CDH13: variants seen among roughly 807,000 people sequenced by gnomAD.
The protein encoded by CDH13 is cadherin-13.
A neutral mutation model predicts 63.8 loss-of-function variants in CDH13; 24 were observed. That is an observed-to-expected ratio of 0.38 (90% CI 0.27 to 0.53). CDH13 has a LOEUF of 0.53. CDH13 is among the 20% of genes least tolerant of loss of function. The pLI, the probability that CDH13 is intolerant of heterozygous loss-of-function variation, is 0.85. For missense variants in CDH13, 1,049 were observed against 903.1 expected (o/e 1.16, Z -2.07); for synonymous variants, 503 against 355.3 (o/e 1.42, Z -4.67).
At chr16:83,158,501 G>A (rs74031409) in intron 4 of CDH13, among the ~76,000 whole-genome samples, 1 of 152,204 alleles carries the variant, frequency 6.6e-6, no homozygotes, top group African/African-American at 2.4e-5. Flanking sequence ...TCCCTGTCCA[G>A]CAGGTCACAG....
chr16:83,042,066 A>G (rs1205758211), intron 3 of CDH13, among the ~76,000 whole-genome samples: 1 of 152,160 alleles, frequency 6.6e-6, no homozygotes, highest in Non-Finnish European at 1.5e-5. Flanking sequence ...AACTGTTTGA[A>G]TCCTCTGTTT....
chr16:82,759,044 G>C (rs1204577359), intron 1 of CDH13, among the ~76,000 whole-genome samples: 1 of 152,108 alleles, frequency 6.6e-6, no homozygotes. Context: ...AGCATTGGGG[G>C]CTTATTAAGC....
At chr16:82,801,205 C>G (rs982775007) in intron 1 of CDH13, among the ~76,000 whole-genome samples, 2 of 152,208 alleles carry the variant, frequency 1.3e-5, no homozygotes, top group African/African-American at 4.8e-5. Flanking sequence ...AGGATGGCCA[C>G]CAACACCTAT....
chr16:83,755,124 G>C (rs955656554), intron 11 of CDH13, among the ~76,000 whole-genome samples: 3 of 152,062 alleles, frequency 2.0e-5, no homozygotes, highest in African/African-American at 7.2e-5. Context: ...CAAGCAGAGA[G>C]AATTACACAA....
At chr16:83,363,945 G>C (rs1438971129) in intron 6 of CDH13, among the ~76,000 whole-genome samples, 1 of 152,140 alleles carries the variant, frequency 6.6e-6, no homozygotes, top group East Asian at 1.9e-4. Flanking sequence ...GGACAGAGGG[G>C]AGTTTGTGAG....
At chr16:82,945,895 T>C (rs1904660663) in intron 2 of CDH13, among the ~76,000 whole-genome samples, 1 of 152,194 alleles carries the variant, frequency 6.6e-6, no homozygotes, top group East Asian at 1.9e-4. Flanking sequence ...AGGGACACTC[T>C]CAGTTCCTTT....
At chr16:83,739,418 C>T (rs1006576969) in intron 10 of CDH13, among the ~76,000 whole-genome samples, 3 of 152,178 alleles carry the variant, frequency 2.0e-5, no homozygotes, top group Non-Finnish European at 4.4e-5. Flanking sequence ...GGATGTTGCC[C>T]CATGTGCCTT....
intron 5 of CDH13, among the ~76,000 whole-genome samples, chr16:83,301,034 T>TTTTTG (rs2089726225): frequency 7.6e-6 from 1 of 131,476 alleles, no homozygotes; most frequent in African/African-American, 2.9e-5. Flanking sequence ...GGTTTTTTTT[T>TTTTTG]TTTTTTTTTT....
chr16:82,910,014 C>T (rs897948120), intron 2 of CDH13, among the ~76,000 whole-genome samples: 1 of 152,158 alleles, frequency 6.6e-6, no homozygotes, highest in Non-Finnish European at 1.5e-5. Context: ...GATCTGACCA[C>T]TGAAATGTAC....
At chr16:82,773,641 T>G (rs2035360369) in intron 1 of CDH13, among the ~76,000 whole-genome samples, 1 of 152,252 alleles carries the variant, frequency 6.6e-6, no homozygotes, top group South Asian at 2.1e-4. Context: ...CCTCTATGTA[T>G]GTACATTTGT....
chr16:82,896,439 G>C (rs567030038), intron 2 of CDH13, among the ~76,000 whole-genome samples: 1 of 151,674 alleles, frequency 6.6e-6, no homozygotes, highest in Non-Finnish European at 1.5e-5. Flanking sequence ...GACTACAGGG[G>C]TTCCCCACTA....
intron 2 of CDH13, among the ~76,000 whole-genome samples, chr16:82,903,920 C>G (rs1376712312): frequency 1.3e-5 from 2 of 152,168 alleles, no homozygotes. Context: ...TCTGTCTGCT[C>G]TAAAGCCCAG....
chr16:83,685,348 A>G (rs763062940), intron 10 of CDH13, among the ~76,000 whole-genome samples: 22 of 152,198 alleles, frequency 1.4e-4, no homozygotes, highest in Admixed American at 2.0e-4. Context: ...TTTCTGCTTA[A>G]TAAATAACTA....
At chr16:83,677,061 G>C (rs1358623806) in intron 9 of CDH13, among the ~76,000 whole-genome samples, 1 of 152,188 alleles carries the variant, frequency 6.6e-6, no homozygotes, top group Admixed American at 6.5e-5. Flanking sequence ...TGATGGGTTA[G>C]CTGTTTGTTC....
At chr16:82,992,479 C>A (rs1008571379) in intron 2 of CDH13, among the ~76,000 whole-genome samples, 1 of 152,076 alleles carries the variant, frequency 6.6e-6, no homozygotes, top group African/African-American at 2.4e-5. Flanking sequence ...GGTTTACAAC[C>A]AGTCAAGGGG....
At chr16:83,490,416 C>T (rs1317786027) in intron 7 of CDH13, among the ~76,000 whole-genome samples, 13 of 152,128 alleles carry the variant, frequency 8.5e-5, no homozygotes, top group Admixed American at 8.5e-4. Flanking sequence ...AGAAATGATC[C>T]TTACTATGTT....
intron 6 of CDH13, among the ~76,000 whole-genome samples, chr16:83,431,133 C>A (rs1435401076): frequency 6.6e-6 from 1 of 151,962 alleles, no homozygotes; most frequent in South Asian, 2.1e-4. Flanking sequence ...CATGTCCCTA[C>A]AAAGGACGTG....
At chr16:83,158,631 C>T (rs188733678) in intron 4 of CDH13, among the ~76,000 whole-genome samples, 33 of 152,356 alleles carry the variant, frequency 2.2e-4, no homozygotes, top group African/African-American at 7.2e-4. Context: ...GGTCATAAGG[C>T]CACAGGCCGG....
At chr16:83,527,986 G>C (rs1037103865) in intron 7 of CDH13, among the ~76,000 whole-genome samples, 6 of 152,152 alleles carry the variant, frequency 3.9e-5, no homozygotes, top group Non-Finnish European at 7.3e-5. Context: ...GACTTTCTAA[G>C]GGCACGCAGG....
Sources: allele counts gnomAD v4.1 joint callset (sites outside exome capture counted in the v4.1 genomes callset), GRCh38; gene constraint gnomAD v4.1.1; transcripts MANE v1.5; gene names NCBI Gene and HGNC (gene_info 2026-07-23, HGNC 2026-07-21).